The following DPP9 variants were observed in gnomAD, a reference collection of about 807,000 sequenced individuals.
DPP9 encodes the protein dipeptidyl peptidase 9.
DPP9 carries 50 observed loss-of-function variants against 110.7 expected under a neutral mutation model. The ratio of observed to expected loss-of-function variants is 0.45; its 90% CI spans 0.36 to 0.57. The LOEUF (loss-of-function observed/expected upper bound fraction) is 0.57, where lower values mean the gene tolerates loss of function less well. Among genes scored for constraint, DPP9 ranks in the 20% least tolerant of loss-of-function variants. The probability of loss-of-function intolerance (pLI) is 0.00; values close to 1 mark genes in which losing one functional copy is unlikely to be tolerated. For missense variants in DPP9, 1,022 were observed against 1,217.9 expected, an observed-to-expected ratio of 0.84 and a Z score of 2.39; for synonymous variants, 561 against 514.4, an observed-to-expected ratio of 1.09 and a Z score of -1.23.
At position 4,683,469 on chromosome 19, in the gene DPP9, G is replaced by C. The variant is rs775850291; in HGVS notation, c.2331+8C>G. 6.2e-7 allele frequency: 1 copy of C among 1,612,678 alleles called. No individual in the cohort carries two copies. Among genetic ancestry groups the C allele is most frequent in the African/African-American group, 1.3e-5 (1 of 74,920 alleles). ...GCGTGGCTGAGGCCGGCCAGGGGTG[G>C]GACCCACCTTGAACACCTGGGGCTT... On this transcript the variant is annotated splice_region_variant and intron_variant, in intron 19 of 21. Transcript: ENST00000262960.
rs915315959 is a variant in DPP9, at chr19:4,694,299, G to A, written c.1516+362C>T. ...AGTTCTGCTGCTGCAGCACAAAAGC[G>A]ACCACAGACAGTCTCTGTAAACAAG... On this transcript the variant is annotated intron_variant, in intron 13 of 21. Transcript: ENST00000262960. The surrounding 1 kb of genome is among the most constrained non-coding windows in gnomAD (Gnocchi z 4.0). 7 of 411,570 alleles carry A rather than the reference G, an allele frequency of 1.7e-5. No homozygotes were observed. Among genetic ancestry groups the A allele is most frequent in the South Asian group, 1.2e-4 (2 of 16,174 alleles). The allele number at this position is 411,570 out of a possible 1,614,324, so 25.5% of individuals were successfully genotyped here.
chr19:4,713,838 C>T (rs891814210), intron 4 of DPP9, among the ~76,000 whole-genome samples: 16 of 152,126 alleles, frequency 1.1e-4, no homozygotes, highest in Admixed American at 2.6e-4. Flanking sequence ...CATGGAGGAG[C>T]GGGGCTGCCC....
chr19:4,712,996 G>C (rs893575080), intron 4 of DPP9, among the ~76,000 whole-genome samples: 1 of 152,210 alleles, frequency 6.6e-6, no homozygotes, highest in Non-Finnish European at 1.5e-5. Flanking sequence ...TGAGTGCAGC[G>C]GTCTGGACAA....
rs1372222463 is a variant in DPP9 at position 4,689,917 on chromosome 19, G to A, written c.1597-195C>T. Among the ~76,000 whole-genome samples the A allele has an allele frequency of 2.6e-5, 4 of 152,222 alleles. No individual in the cohort carries two copies. Among genetic ancestry groups the A allele is most frequent in the African/African-American group, 9.6e-5 (4 of 41,460 alleles). ...TATCTGGCCCCGTGGGCTGGGAGCA[G>A]CCCCTGGTCGAGCTGGGAACTGCGT... On this transcript the variant is annotated intron_variant, in intron 14 of 21. Coordinates refer to ENST00000262960, the MANE Select transcript of DPP9 (RefSeq NM_139159.5). The surrounding 1 kb of genome is among the most constrained non-coding windows in gnomAD (Gnocchi z 7.0).
Position 4,722,473 on chromosome 19 carries a change from G to A in DPP9, c.-36+26C>T, listed in dbSNP as rs1188466174. On this transcript the variant is annotated intron_variant, in intron 2 of 21. Transcript: ENST00000262960. ...CACCAGCCCACACCCCAGCCTTCCTGGCTGCCAAACCCCAGCACAACTGAC... is the reference window on the plus strand; with the variant it reads ...CACCAGCCCACACCCCAGCCTTCCTAGCTGCCAAACCCCAGCACAACTGAC... The A allele has an allele frequency of 7.1e-6, 5 of 702,768 alleles. No individual in the cohort carries two copies. The Admixed American group carries it at 1.0e-4, about 14-fold the overall frequency. The allele number at this position is 702,768 out of a possible 1,614,324, so 43.5% of individuals were successfully genotyped here.
At chr19:4,683,053 CG>C (rs1568301260) in intron 19 of DPP9, 3 of 1,502,832 alleles carry the variant, frequency 2.0e-6, no homozygotes, top group Non-Finnish European at 2.7e-6. Context: ...CGGGCAGGTG[CG>C]GCCCCTCCCC....
Position 4,689,520 on chromosome 19 carries a change from G to T in DPP9, c.1749+50C>A. ...GGGCCATGAGGGACTGCTCTGGCTG[G>T]GAGCTGTTGGACGGGCACAGGGCGG... On this transcript the variant is annotated intron_variant, in intron 15 of 21. Coordinates refer to ENST00000262960, the MANE Select transcript of DPP9 (RefSeq NM_139159.5). The surrounding 1 kb of genome is among the most constrained non-coding windows in gnomAD (Gnocchi z 7.0). 3 of 1,531,446 alleles carry T rather than the reference G, an allele frequency of 2.0e-6. No individual in the cohort carries two copies. Among genetic ancestry groups the T allele is most frequent in the Non-Finnish European group, 2.6e-6 (3 of 1,144,350 alleles). 94.9% of individuals were successfully genotyped at this position (1,531,446 alleles called of 1,614,324 possible).
At chr19:4,721,722 A>G (rs1249622252) in intron 2 of DPP9, among the ~76,000 whole-genome samples, 1 of 152,204 alleles carries the variant, frequency 6.6e-6, no homozygotes, top group Non-Finnish European at 1.5e-5. Context: ...CGGAGGTTGC[A>G]GTGAGCTAAG....
Position 4,695,642 on chromosome 19 carries a change from C to A in DPP9, c.1176-87G>T. ...AGAAGCTGGGGACGCAGCGTCCAAACCCGTGTGGAATCAGGGCTGGGCTTC... is the reference window on the plus strand; with the variant it reads ...AGAAGCTGGGGACGCAGCGTCCAAAACCGTGTGGAATCAGGGCTGGGCTTC... On this transcript the variant is annotated intron_variant, in intron 11 of 21. Transcript: ENST00000262960. This position sits in a 1 kb window ranked among gnomAD's most constrained non-coding sequence, Gnocchi z 4.7. The A allele has an allele frequency of 1.6e-6, 2 of 1,225,574 alleles. No individual in the cohort carries two copies. The highest frequency in any genetic ancestry group is 3.5e-5 in the South Asian group (2 of 56,402). The allele number at this position is 1,225,574 out of a possible 1,614,324, so 75.9% of individuals were successfully genotyped here. A position where few individuals can be genotyped will look rare whatever the true frequency, so the allele number is the denominator to read the frequency against.
At position 4,694,589 on chromosome 19, in the gene DPP9, A is replaced by G. The variant is rs749945410; in HGVS notation, c.1516+72T>C. 6.5e-7 allele frequency: 1 copy of G among 1,538,960 alleles called. No individual in the cohort carries two copies. Among genetic ancestry groups the G allele is most frequent in the South Asian group, 1.2e-5 (1 of 84,112 alleles). On this transcript the variant is annotated intron_variant, in intron 13 of 21. Transcript: ENST00000262960. This position sits in a 1 kb window ranked among gnomAD's most constrained non-coding sequence, Gnocchi z 4.0. ...GCTGGCTGAGTGGGGGGGCCGACCA[A>G]TGAACAAACAGCATATTGAACCACA...
intron 16 of DPP9, among the ~76,000 whole-genome samples, chr19:4,686,870 T>A (rs1295158110): frequency 6.6e-6 from 1 of 152,190 alleles, no homozygotes; most frequent in African/African-American, 2.4e-5. Flanking sequence ...ACACGCTCCG[T>A]GCTGTGTCTC....
At chr19:4,701,732 G>A (rs1205874127) in intron 9 of DPP9, among the ~76,000 whole-genome samples, 3 of 152,336 alleles carry the variant, frequency 2.0e-5, no homozygotes, top group African/African-American at 7.2e-5. Flanking sequence ...CCAGCAGCAG[G>A]GTGGGGCAGT....
chr19:4,686,611 C>A (rs1241634549), intron 16 of DPP9, among the ~76,000 whole-genome samples: 3 of 152,198 alleles, frequency 2.0e-5, no homozygotes, highest in Non-Finnish European at 4.4e-5. Context: ...TGAGCCACCA[C>A]ACCCAGCCAT....
intron 13 of DPP9, among the ~76,000 whole-genome samples, chr19:4,691,418 T>C (rs2145541671): frequency 6.7e-6 from 1 of 150,234 alleles, no homozygotes; most frequent in South Asian, 2.1e-4. Context: ...GAGGCTGCGG[T>C]GAGCTATGGT....
Position 4,688,899 on chromosome 19 carries a change from G to A in DPP9, c.1750-7C>T. On this transcript the variant is annotated splice_polypyrimidine_tract_variant and splice_region_variant and intron_variant, in intron 15 of 21. Transcript: ENST00000262960. ...TGACGAACATGTCGAAGTTCTGGGG[G>A]TGGAATGGGGTGATGAGCTCCACGG... 1.3e-6 allele frequency: 2 copies of A among 1,514,736 alleles called. No homozygotes were observed. The highest frequency in any genetic ancestry group is 2.6e-5 in the South Asian group (2 of 77,352). 93.8% of individuals were successfully genotyped at this position (1,514,736 alleles called of 1,614,324 possible).
chr19:4,711,178 C>T (rs888620302), intron 4 of DPP9, among the ~76,000 whole-genome samples: 8 of 152,062 alleles, frequency 5.3e-5, no homozygotes, highest in African/African-American at 1.7e-4. Context: ...GGTTCTCAGG[C>T]GCTGCTTCCT....
rs765937413 is a variant in DPP9, at chr19:4,714,343, G to A, written c.57-6C>T. On this transcript the variant is annotated splice_polypyrimidine_tract_variant and splice_region_variant and intron_variant, in intron 3 of 21. Coordinates refer to ENST00000262960, the MANE Select transcript of DPP9 (RefSeq NM_139159.5). The stretch of plus-strand genomic sequence containing the variant: ...CCTCGGAATTCAGCGAGAAGCTGCG[G>A]GGAGGAAGCAAAGACTATGAGAAAG... The A allele has an allele frequency of 1.3e-6, 2 of 1,488,060 alleles. No individual in the cohort carries two copies. The highest frequency in any genetic ancestry group is 1.8e-6 in the Non-Finnish European group (2 of 1,120,298). 92.2% of individuals were successfully genotyped at this position (1,488,060 alleles called of 1,614,324 possible). A position where few individuals can be genotyped will look rare whatever the true frequency, so the allele number is the denominator to read the frequency against.
At chr19:4,681,061 C>CT (rs563371118) in intron 20 of DPP9, among the ~76,000 whole-genome samples, 5 of 152,338 alleles carry the variant, frequency 3.3e-5, no homozygotes, top group Admixed American at 6.5e-5. Flanking sequence ...ATCGGCTGCC[C>CT]TAGCCCTTCC....
intron 16 of DPP9, 166 bp downstream of exon 16, chr19:4,688,591 C>A: frequency 1.1e-6 from 1 of 902,766 alleles, no homozygotes; most frequent in Non-Finnish European, 1.5e-6. Flanking sequence ...GGGGCTGTGG[C>A]TTATGTCCTA....
Sources: gnomAD v4.1 joint callset for allele counts (sites outside exome capture counted in the v4.1 genomes callset) on GRCh38, gnomAD v4.1.1 for gene constraint, Gnocchi (gnomAD v3.1) non-coding constraint, MANE v1.5 for transcripts, NCBI Gene and HGNC (gene_info 2026-07-23, HGNC 2026-07-21) for gene names.